Variants in ABLIM3 observed in about 807,000 individuals in gnomAD.
ABLIM3 encodes the protein actin binding LIM protein family member 3, also known as actin-binding LIM protein 3.
ABLIM3 carries 61 observed loss-of-function variants against 109.5 expected under a neutral mutation model. The observed-to-expected ratio is 0.56, with a 90% CI of 0.45 to 0.69. The LOEUF is 0.69. Among genes scored for constraint, ABLIM3 ranks in the 30% least tolerant of loss-of-function variants. ABLIM3 has a pLI of 0.00. For missense variants in ABLIM3, 796 were observed against 889.5 expected (o/e 0.89, Z 1.34); for synonymous variants, 300 against 324.8 (o/e 0.92, Z 0.82).
intron 10 of ABLIM3, 63 bp downstream of exon 10, chr5:149,233,363 C>G: frequency 1.3e-6 from 2 of 1,517,682 alleles, no homozygotes; most frequent in Non-Finnish European, 1.8e-6. Context: ...TATAAAGAGT[C>G]ACTAAGGATA....
chr5:149,197,088 A>G (rs958143257), intron 3 of ABLIM3, among the ~76,000 whole-genome samples: 1 of 151,960 alleles, frequency 6.6e-6, no homozygotes, highest in Non-Finnish European at 1.5e-5. Flanking sequence ...ATTTTTGTAT[A>G]TGTTTGAGAT....
intron 7 of ABLIM3, among the ~76,000 whole-genome samples, chr5:149,212,321 G>C (rs186485973): frequency 5.9e-5 from 9 of 152,310 alleles, no homozygotes; most frequent in Admixed American, 1.3e-4. Context: ...GTCCAGGAAG[G>C]GTTGTTGGGG....
At chr5:149,227,116 G>T (rs1761383619) in intron 8 of ABLIM3, among the ~76,000 whole-genome samples, 1 of 151,026 alleles carries the variant, frequency 6.6e-6, no homozygotes, top group East Asian at 1.9e-4. Context: ...TAACATCAGG[G>T]TGTAGCAGAG....
intron 3 of ABLIM3, among the ~76,000 whole-genome samples, chr5:149,191,227 A>C (rs7722851): frequency 0.05 from 7,589 of 152,276 alleles, 574 homozygotes; most frequent in African/African-American, 0.17. Context: ...AATCAACAAT[A>C]TTAAGAATTA....
Position 149,260,145 on chromosome 5 carries a change from A to G in ABLIM3, c.*1741A>G, listed in dbSNP as rs1754779182. On this transcript the variant is annotated 3_prime_UTR_variant, in exon 24 of 24. Transcript: ENST00000309868. ...TTCTGGAAGAGATTGCATCTGAGGA[A>G]ATTCAGGAAGGATCTTTGTAGATTG... 6.5e-6 allele frequency: 1 copy of G among 153,120 alleles called. No homozygotes were observed. Among genetic ancestry groups the G allele is most frequent in the Non-Finnish European group, 1.5e-5 (1 of 68,558 alleles). The allele number at this position is 153,120 out of a possible 1,614,324, so 9.5% of individuals were successfully genotyped here. A position where few individuals can be genotyped will look rare whatever the true frequency, so the allele number is the denominator to read the frequency against.
intron 4 of ABLIM3, among the ~76,000 whole-genome samples, chr5:149,200,013 G>A (rs566782638): frequency 1.1e-4 from 17 of 152,322 alleles, no homozygotes; most frequent in African/African-American, 4.1e-4. Context: ...AGTCCTTCCA[G>A]AAGAGAGAAC....
chr5:149,178,598 A>T (rs1756179726), intron 2 of ABLIM3, among the ~76,000 whole-genome samples: 1 of 152,196 alleles, frequency 6.6e-6, no homozygotes, highest in African/African-American at 2.4e-5. Flanking sequence ...TTTTATCTAC[A>T]AGGTCAAGCG....
At chr5:149,183,264 T>C (rs551637889) in intron 2 of ABLIM3, among the ~76,000 whole-genome samples, 188 bp from the exon 3 acceptor site, 2 of 152,362 alleles carry the variant, frequency 1.3e-5, no homozygotes, top group African/African-American at 4.8e-5. Context: ...AGGAGGGCTA[T>C]GGACATGTCT....
chr5:149,226,819 C>A (rs1412137464), intron 8 of ABLIM3, among the ~76,000 whole-genome samples: 1 of 152,060 alleles, frequency 6.6e-6, no homozygotes, highest in Non-Finnish European at 1.5e-5. Flanking sequence ...CCCTGTAATC[C>A]CAGCACTTTG....
At chr5:149,148,570 C>T (rs1174933729) in intron 2 of ABLIM3, among the ~76,000 whole-genome samples, 2 of 152,232 alleles carry the variant, frequency 1.3e-5, no homozygotes, top group Non-Finnish European at 2.9e-5. Context: ...TAACTGGCCT[C>T]CTTTCATCCA....
At chr5:149,158,615 A>G (rs1175031266) in intron 2 of ABLIM3, among the ~76,000 whole-genome samples, 1 of 152,226 alleles carries the variant, frequency 6.6e-6, no homozygotes, top group Non-Finnish European at 1.5e-5. Flanking sequence ...AGTCTAGTCA[A>G]CCATCACTAG....
chr5:149,187,138 G>T (rs893132998), intron 3 of ABLIM3, among the ~76,000 whole-genome samples: 1 of 152,110 alleles, frequency 6.6e-6, no homozygotes, highest in East Asian at 1.9e-4. Flanking sequence ...AGAGTTCTGG[G>T]GATAGATAAT....
At chr5:149,190,020 A>G (rs1757333672) in intron 3 of ABLIM3, among the ~76,000 whole-genome samples, 1 of 152,268 alleles carries the variant, frequency 6.6e-6, no homozygotes, top group Non-Finnish European at 1.5e-5. Flanking sequence ...ACAGAGGGAT[A>G]CTATTTAGCA....
intron 7 of ABLIM3, among the ~76,000 whole-genome samples, chr5:149,215,958 T>C (rs898003306): frequency 1.3e-5 from 2 of 152,216 alleles, no homozygotes; most frequent in Non-Finnish European, 2.9e-5. Context: ...CAGGGGCTGT[T>C]TCTTCCCCCC....
chr5:149,240,622 C>G, intron 13 of ABLIM3, 54 bp from the exon 14 acceptor site: 1 of 1,419,572 alleles, frequency 7.0e-7, no homozygotes, highest in Non-Finnish European at 9.9e-7. Flanking sequence ...CGCGTTAATG[C>G]CTGTTTTCTC....
intron 3 of ABLIM3, among the ~76,000 whole-genome samples, chr5:149,197,469 T>A (rs1758086691): frequency 6.6e-6 from 1 of 152,128 alleles, no homozygotes; most frequent in African/African-American, 2.4e-5. Context: ...ATATGGGACA[T>A]TTTTTCTATA....
intron 23 of ABLIM3, among the ~76,000 whole-genome samples, chr5:149,255,484 A>G (rs1754349063): frequency 6.6e-6 from 1 of 152,246 alleles, no homozygotes; most frequent in African/African-American, 2.4e-5. Flanking sequence ...AATAAGTGCT[A>G]AGGAAAAAAG....
At chr5:149,210,917 T>G in intron 7 of ABLIM3, 98 bp downstream of exon 7, 1 of 1,134,784 alleles carries the variant, frequency 8.8e-7, no homozygotes, top group Non-Finnish European at 1.3e-6. Context: ...TACCTTTTTT[T>G]CCATAGCCTT....
intron 23 of ABLIM3, among the ~76,000 whole-genome samples, chr5:149,256,889 G>A (rs151142599): frequency 6.6e-6 from 1 of 152,156 alleles, no homozygotes; most frequent in East Asian, 1.9e-4. Flanking sequence ...TTGACCAAGA[G>A]GGGCAGTGAG....
Sources: allele counts gnomAD v4.1 joint callset (sites outside exome capture counted in the v4.1 genomes callset), GRCh38; gene constraint gnomAD v4.1.1; transcripts MANE v1.5; gene names NCBI Gene and HGNC (gene_info 2026-07-23, HGNC 2026-07-21).